TBC1D22A: variants seen among roughly 807,000 people sequenced by gnomAD.
The protein encoded by TBC1D22A is TBC1 domain family member 22A.
In TBC1D22A, 38 loss-of-function variants were observed where a neutral mutation model predicts 60.2. That is an observed-to-expected ratio of 0.63 (90% CI 0.49 to 0.83). The LOEUF is 0.83. Among genes scored for constraint, TBC1D22A ranks in the 40% least tolerant of loss-of-function variants. The pLI is 0.00. For synonymous variants in TBC1D22A, 302 were observed against 281.7 expected (o/e 1.07, Z -0.72); for missense variants, 628 against 701.0 (o/e 0.90, Z 1.18).
chr22:46,904,525 G>T (rs963284105), intron 7 of TBC1D22A, among the ~76,000 whole-genome samples: 2 of 151,692 alleles, frequency 1.3e-5, no homozygotes, highest in Non-Finnish European at 2.9e-5. Flanking sequence ...CTGGAGTGCA[G>T]TGGTGTGATC....
intron 4 of TBC1D22A, among the ~76,000 whole-genome samples, chr22:46,843,918 C>G (rs986026495): frequency 3.9e-5 from 6 of 152,042 alleles, no homozygotes; most frequent in Non-Finnish European, 8.8e-5. Flanking sequence ...ATTCATCATG[C>G]TGGCAGATGC....
chr22:46,796,138 C>T (rs574305462), intron 3 of TBC1D22A, among the ~76,000 whole-genome samples: 10 of 152,174 alleles, frequency 6.6e-5, no homozygotes, highest in Non-Finnish European at 8.8e-5. Flanking sequence ...AGGAGATCCT[C>T]CTGGGGGTTG....
At chr22:46,995,693 C>T (rs9616192) in intron 9 of TBC1D22A, among the ~76,000 whole-genome samples, 11,607 of 152,112 alleles carry the variant, frequency 0.076, 880 homozygotes, top group African/African-American at 0.19. Context: ...GCTGTTTCCA[C>T]GTCACTGGGG....
intron 8 of TBC1D22A, among the ~76,000 whole-genome samples, chr22:46,948,872 G>A (rs148197600): frequency 3.2e-4 from 48 of 152,266 alleles, no homozygotes; most frequent in African/African-American, 1.1e-3. Context: ...GAAAATCACC[G>A]GAGAGGCCCG....
chr22:47,019,341 A>C (rs1421854373), intron 10 of TBC1D22A, among the ~76,000 whole-genome samples: 1 of 152,206 alleles, frequency 6.6e-6, no homozygotes, highest in African/African-American at 2.4e-5. Flanking sequence ...CTGGGACCTG[A>C]GTGGACAGTG....
In TBC1D22A at chr22:47,111,726, G is replaced by T. The variant is rs11912084; in HGVS notation, c.1425+123G>T. 5.6e-5 allele frequency: 47 copies of T among 834,174 alleles called. No homozygotes were observed. The African/African-American group carries it at 6.9e-4, about 12-fold the overall frequency. 51.7% of individuals were successfully genotyped at this position (834,174 alleles called of 1,614,324 possible). ...TGAGAAGCGCTGCCTGCATTTCGCC[G>T]CTGACCTCCTGCTGGTTGAAAGCTC... On this transcript the variant is annotated intron_variant, in intron 12 of 12. Coordinates refer to ENST00000337137, the MANE Select transcript of TBC1D22A (RefSeq NM_014346.5).
At chr22:46,886,296 AC>A (rs1466396255) in intron 5 of TBC1D22A, among the ~76,000 whole-genome samples, 2 of 152,146 alleles carry the variant, frequency 1.3e-5, no homozygotes, top group African/African-American at 4.8e-5. Flanking sequence ...TAATGGCCAC[AC>A]CTTTCCTCCA....
intron 4 of TBC1D22A, among the ~76,000 whole-genome samples, chr22:46,825,248 TTCTTAGAGGTGCCTTTTTCTTCC>T: frequency 6.6e-6 from 1 of 152,012 alleles, no homozygotes; most frequent in East Asian, 1.9e-4. Flanking sequence ...CACCAGGAAT[TTCTTAGAGGTGCCTTTTTCTTCC>T]TGGGGGTCTG....
At chr22:47,029,654 CG>C (rs1042029270) in intron 10 of TBC1D22A, among the ~76,000 whole-genome samples, 60 of 152,344 alleles carry the variant, frequency 3.9e-4, no homozygotes, top group South Asian at 1.2e-3. Flanking sequence ...GCTTCTGGGG[CG>C]GGGATGGCAG....
intron 8 of TBC1D22A, among the ~76,000 whole-genome samples, chr22:46,951,645 G>T (rs1227177638): frequency 6.6e-6 from 1 of 152,244 alleles, no homozygotes; most frequent in African/African-American, 2.4e-5. Flanking sequence ...CCTTGTGTCA[G>T]CTGTCCAGTT....
intron 7 of TBC1D22A, 142 bp from the exon 8 acceptor site, chr22:46,911,932 A>AC (rs34153333): frequency 0.53 from 286,001 of 540,614 alleles, 51,577 homozygotes; most frequent in Middle Eastern, 0.62. Flanking sequence ...AAAAAAAAAA[A>AC]ATTGATATTT....
At chr22:46,850,131 G>A (rs1008027401) in intron 4 of TBC1D22A, among the ~76,000 whole-genome samples, 19 of 152,178 alleles carry the variant, frequency 1.2e-4, no homozygotes, top group African/African-American at 4.3e-4. Context: ...ATGCAGGCAG[G>A]GGCCACATGT....
At chr22:47,150,782 A>C (rs2067471589) in intron 12 of TBC1D22A, among the ~76,000 whole-genome samples, 1 of 149,986 alleles carries the variant, frequency 6.7e-6, no homozygotes, top group African/African-American at 2.5e-5. Context: ...TCCCACCCCC[A>C]GCATCGTCCC....
intron 4 of TBC1D22A, among the ~76,000 whole-genome samples, chr22:46,801,975 G>A (rs963318447): frequency 6.6e-6 from 1 of 152,262 alleles, no homozygotes; most frequent in Non-Finnish European, 1.5e-5. Flanking sequence ...TAGGGCAGCC[G>A]TGAAGGGGCC....
At chr22:47,100,770 G>A (rs1404558218) in intron 11 of TBC1D22A, among the ~76,000 whole-genome samples, 3 of 152,150 alleles carry the variant, frequency 2.0e-5, no homozygotes, top group African/African-American at 7.2e-5. Flanking sequence ...CCAGTCTCAG[G>A]TATGTCTTTA....
chr22:46,810,569 A>C (rs946141221), intron 4 of TBC1D22A, among the ~76,000 whole-genome samples: 1 of 152,194 alleles, frequency 6.6e-6, no homozygotes, highest in Non-Finnish European at 1.5e-5. Context: ...TTAAGTAAAA[A>C]TTCTGTTTTA....
intron 11 of TBC1D22A, among the ~76,000 whole-genome samples, chr22:47,066,476 G>A (rs143367358): frequency 4.6e-5 from 7 of 152,338 alleles, no homozygotes; most frequent in Admixed American, 3.3e-4. Flanking sequence ...GCTCAGCCCC[G>A]CGAAGAGACG....
At chr22:46,814,786 C>T (rs2085523417) in intron 4 of TBC1D22A, among the ~76,000 whole-genome samples, 1 of 151,634 alleles carries the variant, frequency 6.6e-6, no homozygotes, top group African/African-American at 2.4e-5. Flanking sequence ...GCTGGGGTTA[C>T]AGGCCGCTGC....
chr22:47,003,234 T>C (rs552986229), intron 10 of TBC1D22A, among the ~76,000 whole-genome samples: 3 of 152,220 alleles, frequency 2.0e-5, no homozygotes, highest in African/African-American at 7.2e-5. Flanking sequence ...TCTGTATTTA[T>C]CTGGTAATCC....
Sources: allele counts gnomAD v4.1 joint callset (sites outside exome capture counted in the v4.1 genomes callset), GRCh38; gene constraint gnomAD v4.1.1; transcripts MANE v1.5; gene names NCBI Gene and HGNC (gene_info 2026-07-23, HGNC 2026-07-21).